The following MGAM variants were observed in gnomAD, a reference collection of about 807,000 sequenced individuals.
MGAM encodes the protein maltase-glucoamylase, also known as alpha-1,4-glucosidase.
In MGAM, 253 loss-of-function variants were observed where a neutral mutation model predicts 358.8. The observed-to-expected ratio is 0.71, with a 90% CI of 0.64 to 0.78. MGAM has a LOEUF of 0.78. MGAM is among the 30% of genes least tolerant of loss of function. The probability of loss-of-function intolerance (pLI) is 0.00; values close to 1 mark genes in which losing one functional copy is unlikely to be tolerated. For missense variants in MGAM, 3,080 were observed against 3,432.6 expected (o/e 0.90, Z 2.57); for synonymous variants, 1,105 against 1,227.1 (o/e 0.90, Z 2.08).
Position 142,079,000 on chromosome 7 carries a change from C to T in MGAM, c.5839C>T (p.Gln1947Ter). 1.9e-6 allele frequency: 3 copies of T among 1,552,184 alleles called. 1 individual carries two copies. Among genetic ancestry groups the T allele is most frequent in the Non-Finnish European group, 2.7e-6 (3 of 1,129,400 alleles). Residue 1947 changes from glutamine (Q) to a stop codon, truncating the protein, a stop_gained, in exon 49 of 71, where the codon CAG becomes TAG. Coordinates refer to ENST00000475668, the MANE Select transcript of MGAM (RefSeq NM_001365693.1). LOFTEE classifies it high-confidence loss of function. ...CACTTACCATAAGAATGAAATGCTA[C>T]AGTTCAAGGTAAACACGGTACATAT... ...DVTYHKNEML[Q>*]FKIYDPNNNR...
At chr7:142,020,603 ATTTTTTTTT>A (rs35169560) in intron 4 of MGAM, among the ~76,000 whole-genome samples, 1 of 132,638 alleles carries the variant, frequency 7.5e-6, no homozygotes, top group East Asian at 2.2e-4. Flanking sequence ...ATATATATAT[ATTTTTTTTT>A]TTTTTTTGAG....
intron 21 of MGAM, among the ~76,000 whole-genome samples, chr7:142,042,833 A>G (rs1485510625): frequency 1.6e-5 from 1 of 61,106 alleles, no homozygotes; most frequent in African/African-American, 5.5e-5. Context: ...TATAATATCT[A>G]TATTATATAT....
rs534879249 is a variant in MGAM, at chr7:142,103,344, A to G, written c.8089A>G (p.Ile2697Val). Residue 2697 changes from isoleucine to valine, a missense_variant, in exon 70 of 71, where the codon ATC becomes GTC. By Grantham distance (29) the Ile-to-Val change is conservative. Around this residue, in one of 5 missense-constraint regions of MGAM, gnomAD observed 194 missense variants for 172.8 expected, o/e 1.12. Coordinates refer to ENST00000475668, the MANE Select transcript of MGAM (RefSeq NM_001365693.1). ...TNPLKLGYIEIWGVGSVPVTS... is the reference protein window; with the variant it reads ...TNPLKLGYIEVWGVGSVPVTS... ...TCCTTTGAAACTGGGCTACATTGAA[A>G]TCTGGGGAGTGGGCAGTGTCCCCGT... 6 of 1,613,242 alleles carry G rather than the reference A, an allele frequency of 3.7e-6. No homozygotes were observed. The South Asian group carries it at 5.5e-5, about 15-fold the overall frequency.
At chr7:142,103,531 T>C (rs1335839945) in intron 70 of MGAM, 92 bp downstream of exon 70, 1 of 1,250,654 alleles carries the variant, frequency 8.0e-7, no homozygotes, top group East Asian at 2.7e-5. Context: ...TGATGCCCTC[T>C]CCTGCCAGGC....
chr7:142,047,450 G>GTTAT (rs1290868784), intron 21 of MGAM, among the ~76,000 whole-genome samples: 5 of 152,116 alleles, frequency 3.3e-5, no homozygotes, highest in Admixed American at 6.6e-5. Flanking sequence ...AACTGAACCA[G>GTTAT]TTATTGCCCA....
rs373344925 is a variant in MGAM, at chr7:142,102,594, G to A, written c.7964-36G>A. 10 of 1,597,756 alleles carry A rather than the reference G, an allele frequency of 6.3e-6. No individual in the cohort carries two copies. In the African/African-American group the frequency reaches 1.1e-4, roughly 17 times the overall value. On this transcript the variant is annotated intron_variant, in intron 68 of 70. Coordinates refer to ENST00000475668, the MANE Select transcript of MGAM (RefSeq NM_001365693.1). Reference sequence around the variant, plus strand: ...CTATAGCATAGAGTTCTACAGCACAGGTCCAGGCCATGTTTATCTTGTTTT... The same window carrying A: ...CTATAGCATAGAGTTCTACAGCACAAGTCCAGGCCATGTTTATCTTGTTTT...
intron 63 of MGAM, 42 bp downstream of exon 63, chr7:142,094,905 C>CTGG: frequency 1.3e-6 from 2 of 1,590,910 alleles, no homozygotes; most frequent in Non-Finnish European, 1.7e-6. Context: ...ACTTGAAACA[C>CTGG]AGCCTCCATT....
At chr7:142,077,035 C>G (rs1024684367) in intron 47 of MGAM, among the ~76,000 whole-genome samples, 1 of 144,912 alleles carries the variant, frequency 6.9e-6, no homozygotes, top group Non-Finnish European at 1.6e-5. Flanking sequence ...CTTCTTATTC[C>G]CTTCTCTGCC....
In MGAM at chr7:142,082,508, T is replaced by G; in HGVS notation, c.6205T>G (p.Tyr2069Asp). 6.5e-7 allele frequency: 1 copy of G among 1,535,178 alleles called. No individual in the cohort carries two copies. The highest frequency in any genetic ancestry group is 8.9e-7 in the Non-Finnish European group (1 of 1,121,708). ...GAATTCCTATGGTGTCCACCCCTAC[T>G]ACATGGGGCTAGAGGAGGATGGCAG... ...KKNSYGVHPYYMGLEEDGSAH... is the reference protein window; with the variant it reads ...KKNSYGVHPYDMGLEEDGSAH... Residue 2069 changes from tyrosine to aspartate, a missense_variant, in exon 52 of 71, where the codon TAC becomes GAC. Around this residue, in one of 5 missense-constraint regions of MGAM, gnomAD observed 932 missense variants for 1,198.2 expected, o/e 0.78. Coordinates refer to ENST00000475668, the MANE Select transcript of MGAM (RefSeq NM_001365693.1).
At chr7:142,022,541 T>C in intron 7 of MGAM, 102 bp downstream of exon 7, 1 of 1,243,396 alleles carries the variant, frequency 8.0e-7, no homozygotes, top group Non-Finnish European at 1.1e-6. Context: ...GAGTCTAGAG[T>C]GAGACTACCT....
At position 142,036,170 on chromosome 7, in the gene MGAM, T is replaced by G. The variant is rs782159903; in HGVS notation, c.1961T>G (p.Val654Gly). The G allele has an allele frequency of 8.7e-6, 14 of 1,606,686 alleles. No homozygotes were observed. The highest frequency in any genetic ancestry group is 1.2e-5 in the Non-Finnish European group (14 of 1,175,782). ...LEFNLFGIPM[V>G]GPDICGFALD... ...CCTGTTGTCTGTGTGTCCTTCCAGG[T>G]GGGTCCTGACATATGTGGCTTTGCT... The change falls in exon 17 of 71, where the codon GTG becomes GGG. Residue 654 changes from valine (V) to glycine (G), a missense_variant and splice_region_variant. Transcript: ENST00000475668.
intron 24 of MGAM, 75 bp from the exon 25 acceptor site, chr7:142,052,219 C>CA: frequency 8.1e-7 from 1 of 1,241,972 alleles, no homozygotes; most frequent in Non-Finnish European, 1.1e-6. Flanking sequence ...TTTTTTTTAT[C>CA]GAAAAAAAAA....
At chr7:142,095,245 A>G (rs1018377480) in intron 63 of MGAM, among the ~76,000 whole-genome samples, 2 of 152,158 alleles carry the variant, frequency 1.3e-5, no homozygotes, top group African/African-American at 4.8e-5. Context: ...CTGCACCCTT[A>G]TAAATTGTTA....
intron 3 of MGAM, among the ~76,000 whole-genome samples, chr7:142,013,626 T>C (rs1471777147): frequency 1.3e-5 from 2 of 152,200 alleles, no homozygotes; most frequent in African/African-American, 2.4e-5. Flanking sequence ...ACCTTTAGAA[T>C]AGGCTTTTGA....
chr7:142,063,653 G>A, intron 36 of MGAM, 67 bp downstream of exon 36: 2 of 1,547,496 alleles, frequency 1.3e-6, no homozygotes, highest in Non-Finnish European at 1.8e-6. Flanking sequence ...AGGAGCCCGA[G>A]GCCAGGGGCA....
At chr7:142,088,996 G>C (rs11983493) in intron 57 of MGAM, among the ~76,000 whole-genome samples, 4,814 of 117,936 alleles carry the variant, frequency 0.041, 404 homozygotes, top group Non-Finnish European at 0.053. Flanking sequence ...ATGTATGTAT[G>C]TATCTATCTA....
chr7:142,061,679 T>C (rs1302307037), intron 34 of MGAM, among the ~76,000 whole-genome samples: 1 of 152,146 alleles, frequency 6.6e-6, no homozygotes. Context: ...AATGGTGTGA[T>C]TATCATAGAG....
chr7:142,051,007 A>G (rs2129030958), intron 24 of MGAM, 143 bp downstream of exon 24: 1 of 1,028,874 alleles, frequency 9.7e-7, no homozygotes, highest in East Asian at 2.4e-5. Flanking sequence ...CTGGGGAAAA[A>G]AATGAGGTGG....
intron 64 of MGAM, 112 bp downstream of exon 64, chr7:142,095,825 T>A: frequency 1.4e-6 from 2 of 1,475,976 alleles, no homozygotes; most frequent in African/African-American, 1.4e-5. Context: ...CATGAGCTCT[T>A]CAGGTGCAGA....
Sources: gnomAD v4.1 joint callset for allele counts (sites outside exome capture counted in the v4.1 genomes callset) on GRCh38, gnomAD v4.1.1 for gene constraint, gnomAD v4.1.1 regional missense constraint, MANE v1.5 for transcripts, NCBI Gene and HGNC (gene_info 2026-07-23, HGNC 2026-07-21) for gene names.